CEP350: variants seen among roughly 807,000 people sequenced by gnomAD.
CEP350 encodes centrosomal protein 350.
CEP350 carries 126 observed loss-of-function variants against 331.8 expected under a neutral mutation model. That is an observed-to-expected ratio of 0.38 (90% CI 0.33 to 0.44). The LOEUF (loss-of-function observed/expected upper bound fraction) is 0.44. CEP350 is among the 20% of genes least tolerant of loss of function. The pLI is 1.00. For missense variants in CEP350, 3,406 were observed against 3,634.6 expected (o/e 0.94, Z 1.62); for synonymous variants, 1,200 against 1,259.5 (o/e 0.95, Z 1.00).
intron 19 of CEP350, among the ~76,000 whole-genome samples, chr1:180,042,130 T>TCACACA (rs533781557): frequency 8.7e-4 from 60 of 69,206 alleles, no homozygotes; most frequent in Middle Eastern, 7.2e-3. Context: ...GTGAGTTTTC[T>TCACACA]CTCACACACA....
chr1:180,052,963 CT>C lies in CEP350; in HGVS notation c.4793-3del. The C allele has an allele frequency of 2.7e-6, 3 of 1,130,486 alleles. No homozygotes were observed. Among genetic ancestry groups the C allele is most frequent in the Non-Finnish European group, 3.9e-6 (3 of 764,684 alleles). The allele number at this position is 1,130,486 out of a possible 1,614,324, so 70.0% of individuals were successfully genotyped here. On this transcript the variant is annotated splice_polypyrimidine_tract_variant and splice_region_variant and intron_variant, in intron 22 of 37. Coordinates refer to ENST00000367607, the MANE Select transcript of CEP350 (RefSeq NM_014810.5). ...TGATAAAATCTACTTTCTCCATATT[CT>C]TTTAGACTCAACGTCTATTGCAACA...
At chr1:180,054,370 G>A in intron 24 of CEP350, 45 bp from the exon 25 acceptor site, 1 of 1,429,696 alleles carries the variant, frequency 7.0e-7, no homozygotes. Flanking sequence ...TCAGGTAAGA[G>A]AAATTTAATC....
chr1:179,988,517 C>T (rs1477141813), intron 3 of CEP350, among the ~76,000 whole-genome samples: 1 of 152,046 alleles, frequency 6.6e-6, no homozygotes, highest in Non-Finnish European at 1.5e-5. Context: ...AGAGTTACTT[C>T]TTTTTTGTAT....
At chr1:180,090,322 G>C (rs34405248) in intron 32 of CEP350, among the ~76,000 whole-genome samples, 1 of 151,698 alleles carries the variant, frequency 6.6e-6, no homozygotes, top group South Asian at 2.1e-4. Context: ...AGAGGCGGGC[G>C]GATCATGAGA....
At chr1:179,969,205 T>G in intron 1 of CEP350, 1 of 548,470 alleles carries the variant, frequency 1.8e-6, no homozygotes, top group Non-Finnish European at 3.5e-6. Context: ...CCATTTCCTG[T>G]GAACACCCGT....
Position 180,043,200 on chromosome 1 carries a change from T to C in CEP350, c.4499+8T>C, listed in dbSNP as rs747753969. ...CAGAACTGAAACAGATAGGTTAATA[T>C]TCATTCAGTCAGCAAATATATAATG... On this transcript the variant is annotated splice_region_variant and intron_variant, in intron 20 of 37. Transcript: ENST00000367607. 3 of 1,603,878 alleles carry C rather than the reference T, an allele frequency of 1.9e-6. No individual in the cohort carries two copies. In the South Asian group the frequency reaches 3.4e-5, roughly 18 times the overall value.
chr1:180,094,715 T>C, intron 34 of CEP350, 99 bp downstream of exon 34: 3 of 1,296,050 alleles, frequency 2.3e-6, no homozygotes, highest in Non-Finnish European at 3.1e-6. Flanking sequence ...CTGTGACTCC[T>C]GATAGGTTTT....
chr1:179,979,261 A>C (rs553745969), intron 1 of CEP350, among the ~76,000 whole-genome samples: 7 of 152,120 alleles, frequency 4.6e-5, no homozygotes, highest in African/African-American at 1.7e-4. Flanking sequence ...AGCCATTCTA[A>C]CTGGAGTGAG....
chr1:179,985,651 G>A (rs911517542), intron 1 of CEP350, among the ~76,000 whole-genome samples: 3 of 152,190 alleles, frequency 2.0e-5, no homozygotes, highest in African/African-American at 7.2e-5. Context: ...CTACCTCTTT[G>A]CAGGGTGGCA....
chr1:180,094,424 C>T lies in CEP350; in HGVS notation c.8319C>T (p.Ile2773=). 6.2e-7 allele frequency: 1 copy of T among 1,613,526 alleles called. No individual in the cohort carries two copies. Among genetic ancestry groups the T allele is most frequent in the Non-Finnish European group, 8.5e-7 (1 of 1,179,724 alleles). Residue 2773 remains isoleucine (I), a synonymous_variant, in exon 34 of 38, where the codon ATC becomes ATT. Transcript: ENST00000367607. ...VKDTVNQLQQ[I]KKTRDEKIQL... ...ACACAGTCAATCAACTACAACAAAT[C>T]AAAAAAACCAGGGATGAGAAAATCC...
Position 179,987,290 on chromosome 1 carries a change from A to C in CEP350, c.120+4A>C. ...ACTTTCTCAAACCAAGGCTGCTGTA[A>C]GTAGTTTTAGCTTCCATTTATTTAT... On this transcript the variant is annotated splice_donor_region_variant and intron_variant, in intron 3 of 37. Transcript: ENST00000367607. 4 of 1,519,402 alleles carry C rather than the reference A, an allele frequency of 2.6e-6. No homozygotes were observed. The highest frequency in any genetic ancestry group is 2.3e-5 in the South Asian group (2 of 86,310). The allele number at this position is 1,519,402 out of a possible 1,614,324, so 94.1% of individuals were successfully genotyped here. A position where few individuals can be genotyped will look rare whatever the true frequency, so the allele number is the denominator to read the frequency against.
intron 3 of CEP350, among the ~76,000 whole-genome samples, chr1:179,988,926 T>C (rs1281056982): frequency 2.0e-5 from 3 of 152,110 alleles, no homozygotes; most frequent in African/African-American, 7.2e-5. Context: ...ACCTGAGCAT[T>C]ATGTTTTCTA....
chr1:180,020,072 G>A lies in CEP350; in HGVS notation c.2298G>A (p.Glu766=). ...TACTCTCCCATCTCTTGAGTTTAGAGCATGTAGGAATTTTGCATAAGGATT... is the reference window on the plus strand; with the variant it reads ...TACTCTCCCATCTCTTGAGTTTAGAACATGTAGGAATTTTGCATAAGGATT... The part of the protein sequence containing the change: ...GSLLSHLLSL[E]HVGILHKDFE... The change falls in exon 12 of 38, where the codon GAG becomes GAA. Residue 766 remains glutamate, a synonymous_variant. Transcript: ENST00000367607. 1 of 1,613,992 alleles carries A rather than the reference G, an allele frequency of 6.2e-7. No homozygotes were observed. Among genetic ancestry groups the A allele is most frequent in the Non-Finnish European group, 8.5e-7 (1 of 1,179,892 alleles).
In CEP350 at chr1:180,114,656, C is replaced by T. The variant is rs968660145; in HGVS notation, c.*3495C>T. 2.6e-5 allele frequency: 4 copies of T among 152,546 alleles called. No individual in the cohort carries two copies. The highest frequency in any genetic ancestry group is 4.1e-4 in the South Asian group (2 of 4,832). The allele number at this position is 152,546 out of a possible 1,614,324, so 9.4% of individuals were successfully genotyped here. Reference sequence around the variant, plus strand: ...CTGTGCAGACATGAAAAAATAAACCCGTTTACTGTGTGCGTGTAAATAGCC... The same window carrying T: ...CTGTGCAGACATGAAAAAATAAACCTGTTTACTGTGTGCGTGTAAATAGCC... On this transcript the variant is annotated 3_prime_UTR_variant, in exon 38 of 38. Transcript: ENST00000367607.
At chr1:180,016,957 C>T (rs1655022023) in intron 11 of CEP350, among the ~76,000 whole-genome samples, 1 of 152,194 alleles carries the variant, frequency 6.6e-6, no homozygotes, top group Admixed American at 6.5e-5. Context: ...GCCACCGAGC[C>T]TGGCCCATAT....
intron 11 of CEP350, 40 bp downstream of exon 11, chr1:180,016,010 A>G (rs1180472123): frequency 1.9e-6 from 3 of 1,609,888 alleles, no homozygotes; most frequent in Non-Finnish European, 2.5e-6. Flanking sequence ...GATTCTTTTC[A>G]TGAAATTTAG....
At chr1:180,079,790 A>G (rs987969362) in intron 29 of CEP350, among the ~76,000 whole-genome samples, 3 of 152,190 alleles carry the variant, frequency 2.0e-5, no homozygotes, top group African/African-American at 4.8e-5. Flanking sequence ...AATAGCCACA[A>G]ACTGGCTATT....
At chr1:180,043,258 T>C in intron 20 of CEP350, 66 bp downstream of exon 20, 1 of 1,501,128 alleles carries the variant, frequency 6.7e-7, no homozygotes, top group Non-Finnish European at 8.9e-7. Flanking sequence ...ATTCAGCAAA[T>C]ATGTAATGAG....
intron 1 of CEP350, among the ~76,000 whole-genome samples, chr1:179,985,958 T>C (rs1652616812): frequency 6.6e-6 from 1 of 152,200 alleles, no homozygotes; most frequent in Admixed American, 6.5e-5. Flanking sequence ...CCATAGTGAT[T>C]GTGTCATACA....
Sources: gnomAD v4.1 joint callset for allele counts (sites outside exome capture counted in the v4.1 genomes callset) on GRCh38, gnomAD v4.1.1 for gene constraint, MANE v1.5 for transcripts, NCBI Gene and HGNC (gene_info 2026-07-23, HGNC 2026-07-21) for gene names.